The following OPCML variants were observed in gnomAD, a reference collection of about 807,000 sequenced individuals.
OPCML encodes opioid-binding protein/cell adhesion molecule.
Under a neutral mutation model 37.8 loss-of-function variants are expected in OPCML, and 13 were observed. The ratio of observed to expected loss-of-function variants is 0.34; its 90% CI spans 0.22 to 0.55. The LOEUF (loss-of-function observed/expected upper bound fraction) is 0.55. Ranked by LOEUF, OPCML falls within the 20% of genes least tolerant of loss-of-function variation. OPCML has a pLI of 0.91. For missense variants in OPCML, 341 were observed against 435.6 expected (o/e 0.78, Z 1.93); for synonymous variants, 176 against 168.8 (o/e 1.04, Z -0.33).
chr11:133,182,675 C>A (rs750878543), intron 1 of OPCML, among the ~76,000 whole-genome samples: 2 of 152,096 alleles, frequency 1.3e-5, no homozygotes, highest in African/African-American at 4.8e-5. Context: ...AGAGCCAGAG[C>A]GGAGATGCCA....
At chr11:132,604,814 T>C (rs1471680805) in intron 3 of OPCML, among the ~76,000 whole-genome samples, 2 of 152,170 alleles carry the variant, frequency 1.3e-5, no homozygotes, top group East Asian at 3.9e-4. Flanking sequence ...AAATGACAAG[T>C]AGTTTGGCTT....
rs78181887 is a variant in OPCML, at chr11:132,599,172, G to A, written c.379+57915C>T. On this transcript the variant is annotated intron_variant, in intron 3 of 7. Transcript: ENST00000524381. ...CATATGCCTATAATCCCAGCTACTC[G>A]GGAACAAGTATTCTGTGGGAGGAGA... Among the ~76,000 whole-genome samples the A allele has an allele frequency of 0.016, 2,428 of 152,236 alleles. 141 individuals carry two copies. In the East Asian group the frequency reaches 0.2, roughly 13 times the overall value.
intron 4 of OPCML, among the ~76,000 whole-genome samples, chr11:132,503,027 G>A (rs2096248938): frequency 6.6e-6 from 1 of 152,300 alleles, no homozygotes; most frequent in Middle Eastern, 3.4e-3. Context: ...AAAAATGGTA[G>A]GTGACTTATT....
chr11:133,454,356 T>G (rs1460813040), intron 1 of OPCML, among the ~76,000 whole-genome samples: 1 of 152,204 alleles, frequency 6.6e-6, no homozygotes, highest in Non-Finnish European at 1.5e-5. Flanking sequence ...TTGCTGCTGT[T>G]TGTGAGACTT....
intron 4 of OPCML, among the ~76,000 whole-genome samples, chr11:132,448,148 G>A (rs2096060135): frequency 6.6e-6 from 1 of 152,188 alleles, no homozygotes; most frequent in Non-Finnish European, 1.5e-5. Context: ...CCCTTTTGAG[G>A]AACAGCACAG....
chr11:132,638,163 C>CTATATATATATATATA (rs71905540), intron 3 of OPCML, among the ~76,000 whole-genome samples: 3,638 of 127,536 alleles, frequency 0.029, 157 homozygotes, highest in East Asian at 0.097. Context: ...TATATACAGA[C>CTATATATATATATATA]TATATATATA....
At chr11:132,439,918 C>A (rs1481281996) in intron 4 of OPCML, among the ~76,000 whole-genome samples, 1 of 152,058 alleles carries the variant, frequency 6.6e-6, no homozygotes, top group Non-Finnish European at 1.5e-5. Flanking sequence ...GAAGAAAGAC[C>A]CAGATCATGC....
At chr11:132,745,786 C>A (rs1349423766) in intron 2 of OPCML, among the ~76,000 whole-genome samples, 1 of 152,104 alleles carries the variant, frequency 6.6e-6, no homozygotes, top group Non-Finnish European at 1.5e-5. Flanking sequence ...GTCTATGAGA[C>A]CCTGGTTAGG....
At chr11:133,139,659 G>A (rs932601803) in intron 1 of OPCML, among the ~76,000 whole-genome samples, 2 of 152,218 alleles carry the variant, frequency 1.3e-5, no homozygotes, top group East Asian at 3.8e-4. Context: ...AGTGGCTGAT[G>A]ATTTAGGAGC....
At chr11:133,285,216 AG>A (rs1942264337) in intron 1 of OPCML, among the ~76,000 whole-genome samples, 1 of 152,186 alleles carries the variant, frequency 6.6e-6, no homozygotes, top group Non-Finnish European at 1.5e-5. Context: ...GGCTGAGCAC[AG>A]GGTATGTGGG....
At position 132,837,637 on chromosome 11, in the gene OPCML, G is replaced by T. The variant is rs1038586722; in HGVS notation, c.146+105289C>A. On this transcript the variant is annotated intron_variant, in intron 2 of 7. Transcript: ENST00000524381. ...GACATACATACAAAGGTGTGCAGGG[G>T]ACAGGTGTGCACATCAGCAAGGGGC... Among the ~76,000 whole-genome samples, 4 of 152,184 alleles carry T rather than the reference G, an allele frequency of 2.6e-5. No individual in the cohort carries two copies. The South Asian group carries it at 6.2e-4, about 24-fold the overall frequency.
chr11:133,039,029 C>G (rs368202487), intron 1 of OPCML, among the ~76,000 whole-genome samples: 7 of 152,174 alleles, frequency 4.6e-5, no homozygotes, highest in Non-Finnish European at 7.4e-5. Context: ...GTGGCAAATG[C>G]CCCCATTCCC....
At chr11:132,500,454 C>T (rs561039703) in intron 4 of OPCML, among the ~76,000 whole-genome samples, 1 of 152,306 alleles carries the variant, frequency 6.6e-6, no homozygotes, top group African/African-American at 2.4e-5. Flanking sequence ...CTTCCCAAGC[C>T]AACTTCCAGT....
intron 4 of OPCML, among the ~76,000 whole-genome samples, chr11:132,526,748 A>C (rs1355592977): frequency 6.6e-6 from 1 of 152,184 alleles, no homozygotes; most frequent in Non-Finnish European, 1.5e-5. Flanking sequence ...ATTTAATTGC[A>C]ATATAATTAC....
intron 2 of OPCML, among the ~76,000 whole-genome samples, chr11:132,828,550 T>A (rs903340715): frequency 1.1e-4 from 16 of 148,804 alleles, no homozygotes; most frequent in South Asian, 2.1e-4. Flanking sequence ...ACAGCTCTTT[T>A]AAAAAAAAAA....
intron 1 of OPCML, among the ~76,000 whole-genome samples, chr11:133,488,000 T>A (rs976334183): frequency 2.6e-5 from 4 of 152,000 alleles, no homozygotes; most frequent in Middle Eastern, 6.8e-3. Flanking sequence ...ATATATCGCA[T>A]AAACAAAAAA....
chr11:133,444,611 T>C (rs1208067034), intron 1 of OPCML, among the ~76,000 whole-genome samples: 1 of 152,204 alleles, frequency 6.6e-6, no homozygotes, highest in African/African-American at 2.4e-5. Context: ...GTATTAGTCA[T>C]ATAAAAGTTG....
intron 2 of OPCML, among the ~76,000 whole-genome samples, chr11:132,890,246 T>A (rs1943588484): frequency 6.6e-6 from 1 of 152,220 alleles, no homozygotes; most frequent in African/African-American, 2.4e-5. Context: ...AGAAGTCCTA[T>A]AATGCTAGAA....
At chr11:132,867,525 G>A (rs1942619356) in intron 2 of OPCML, among the ~76,000 whole-genome samples, 2 of 152,224 alleles carry the variant, frequency 1.3e-5, no homozygotes, top group Admixed American at 6.5e-5. Flanking sequence ...TTCAGGAAAA[G>A]TAGACTGTCA....
Sources: gnomAD v4.1 joint callset for allele counts (sites outside exome capture counted in the v4.1 genomes callset) on GRCh38, gnomAD v4.1.1 for gene constraint, MANE v1.5 for transcripts, NCBI Gene and HGNC (gene_info 2026-07-23, HGNC 2026-07-21) for gene names.